OPRD1: variants seen among roughly 807,000 people sequenced by gnomAD.
OPRD1 encodes opioid receptor delta 1, also known as delta-type opioid receptor.
In OPRD1, 19 loss-of-function variants were observed where a neutral mutation model predicts 17.5. That is an observed-to-expected ratio of 1.09 (90% confidence interval 0.76 to 1.60). OPRD1 has a LOEUF of 1.60. OPRD1 is among the 40% of genes most tolerant of loss of function. The probability of loss-of-function intolerance (pLI) is 0.00; values close to 1 mark genes in which losing one functional copy is unlikely to be tolerated. For synonymous variants in OPRD1, 256 were observed against 240.9 expected, an observed-to-expected ratio of 1.06 and a Z score of -0.58; for missense variants, 483 against 547.2, an observed-to-expected ratio of 0.88 and a Z score of 1.17.
chr1:28,830,447 C>T (rs2088800228), intron 1 of OPRD1, among the ~76,000 whole-genome samples: 1 of 152,076 alleles, frequency 6.6e-6, no homozygotes, highest in African/African-American at 2.4e-5. Flanking sequence ...TTGCTTGAGC[C>T]TGGGAGGTCG....
At chr1:28,851,378 C>T (rs148894771) in intron 1 of OPRD1, among the ~76,000 whole-genome samples, 1 of 152,260 alleles carries the variant, frequency 6.6e-6, no homozygotes, top group Non-Finnish European at 1.5e-5. Flanking sequence ...GATAGAATAA[C>T]GACATTTTCA....
Position 28,867,441 on chromosome 1 carries a change from G to A in OPRD1, c.*4158G>A, listed in dbSNP as rs2089184114. 6.6e-6 allele frequency: 1 copy of A among 152,094 alleles called. No homozygotes were observed. Among genetic ancestry groups the A allele is most frequent in the Admixed American group, 6.6e-5 (1 of 15,264 alleles). 9.4% of individuals were successfully genotyped at this position (152,094 alleles called of 1,614,324 possible). A position where few individuals can be genotyped will look rare whatever the true frequency, so the allele number is the denominator to read the frequency against. On this transcript the variant is annotated 3_prime_UTR_variant, in exon 3 of 3. Coordinates refer to ENST00000234961, the MANE Select transcript of OPRD1 (RefSeq NM_000911.4). ...ACTGGTCTCGAACTCCTGACCTCAG[G>A]GGATCTGCCCGCCTCAGCTTCCCAA...
rs902966562 is a variant in OPRD1, at chr1:28,868,103, G to A, written c.*4820G>A. The stretch of plus-strand genomic sequence containing the variant: ...ATGGATAATGTCAAGTGTCATAAGA[G>A]AGGATGCGAGTAGGGAGGGCAGGAG... On this transcript the variant is annotated 3_prime_UTR_variant, in exon 3 of 3. Coordinates refer to ENST00000234961, the MANE Select transcript of OPRD1 (RefSeq NM_000911.4). 2 of 152,396 alleles carry A rather than the reference G, an allele frequency of 1.3e-5. No individual in the cohort carries two copies. The highest frequency in any genetic ancestry group is 2.4e-5 in the African/African-American group (1 of 41,452). The allele number at this position is 152,396 out of a possible 1,614,324, so 9.4% of individuals were successfully genotyped here.
intron 1 of OPRD1, among the ~76,000 whole-genome samples, chr1:28,822,050 C>T (rs528939476): frequency 2.6e-5 from 4 of 151,628 alleles, no homozygotes; most frequent in Non-Finnish European, 5.9e-5. Flanking sequence ...CTCCTGGGTT[C>T]AAGCGATTCT....
chr1:28,847,341 C>A (rs901226885), intron 1 of OPRD1, among the ~76,000 whole-genome samples: 1 of 152,060 alleles, frequency 6.6e-6, no homozygotes, highest in Non-Finnish European at 1.5e-5. Flanking sequence ...CGTGAGCTAC[C>A]GCGCCCAGCC....
chr1:28,814,515 T>G (rs114680820), intron 1 of OPRD1, among the ~76,000 whole-genome samples: 3,309 of 152,310 alleles, frequency 0.022, 117 homozygotes, highest in African/African-American at 0.076. Flanking sequence ...GAGCTCCGGA[T>G]TCCTGGCACC....
At chr1:28,851,815 A>G (rs2089006259) in intron 1 of OPRD1, among the ~76,000 whole-genome samples, 1 of 137,738 alleles carries the variant, frequency 7.3e-6, no homozygotes, top group East Asian at 2.2e-4. Flanking sequence ...AGGTTGCGCC[A>G]TTGCACTCCA....
rs1245623382 is a variant in OPRD1, at chr1:28,812,376, C to T, written c.-8C>T. On this transcript the variant is annotated 5_prime_UTR_variant, in exon 1 of 3. Coordinates refer to ENST00000234961, the MANE Select transcript of OPRD1 (RefSeq NM_000911.4). The stretch of plus-strand genomic sequence containing the variant: ...TGGAGAGGGACGCGGCGGAGCCGGC[C>T]GGCAGCCATGGAACCGGCCCCCTCC... 7 of 1,378,806 alleles carry T rather than the reference C, an allele frequency of 5.1e-6. No individual in the cohort carries two copies. In the African/African-American group the frequency reaches 6.1e-5, roughly 12 times the overall value. The allele number at this position is 1,378,806 out of a possible 1,614,324, so 85.4% of individuals were successfully genotyped here.
At chr1:28,845,146 C>T (rs2088928875) in intron 1 of OPRD1, among the ~76,000 whole-genome samples, 1 of 151,272 alleles carries the variant, frequency 6.6e-6, no homozygotes, top group Admixed American at 6.6e-5. Flanking sequence ...AGTTCGAGAC[C>T]AGCCTTACCA....
At chr1:28,815,187 A>G (rs972799358) in intron 1 of OPRD1, among the ~76,000 whole-genome samples, 8 of 152,096 alleles carry the variant, frequency 5.3e-5, no homozygotes, top group African/African-American at 1.9e-4. Context: ...ATCACAGCTC[A>G]CTGCAACCTC....
In OPRD1 at chr1:28,812,526, T is replaced by C. The variant is rs139841918; in HGVS notation, c.143T>C (p.Leu48Pro). 2 of 1,582,204 alleles carry C rather than the reference T, an allele frequency of 1.3e-6. No individual in the cohort carries two copies. Among genetic ancestry groups the C allele is most frequent in the Non-Finnish European group, 8.5e-7 (1 of 1,171,674 alleles). ...GCGCGGAGCGCCTCGTCCCTCGCCC[T>C]GGCAATCGCCATCACCGCGCTCTAC... ...PGARSASSLA[L>P]AIAITALYSA... The change falls in exon 1 of 3, where the codon CTG (leucine) becomes CCG (proline). Residue 48 changes from leucine to proline, a missense_variant. Physicochemically the swap from Leu to Pro is moderately conservative, Grantham distance 98 (BLOSUM62 -3). Coordinates refer to ENST00000234961, the MANE Select transcript of OPRD1 (RefSeq NM_000911.4).
chr1:28,831,767 G>A (rs1390239298), intron 1 of OPRD1, among the ~76,000 whole-genome samples: 1 of 151,810 alleles, frequency 6.6e-6, no homozygotes, highest in East Asian at 1.9e-4. Context: ...TGAACTCCTG[G>A]GCTCCAGTGA....
At chr1:28,818,435 C>T (rs2088687931) in intron 1 of OPRD1, among the ~76,000 whole-genome samples, 3 of 152,146 alleles carry the variant, frequency 2.0e-5, no homozygotes, top group African/African-American at 7.2e-5. Context: ...CAGGGAGTCT[C>T]CAGACCCAGC....
chr1:28,819,347 CAG>C (rs2088693890), intron 1 of OPRD1, among the ~76,000 whole-genome samples: 2 of 152,178 alleles, frequency 1.3e-5, no homozygotes, highest in African/African-American at 4.8e-5. Context: ...TGAGGCTGAG[CAG>C]AGAGAACAAG....
At chr1:28,831,147 C>G (rs1017688825) in intron 1 of OPRD1, among the ~76,000 whole-genome samples, 2 of 152,230 alleles carry the variant, frequency 1.3e-5, no homozygotes, top group African/African-American at 4.8e-5. Context: ...GCGAATGGAG[C>G]TGTCCTGCTG....
intron 1 of OPRD1, among the ~76,000 whole-genome samples, chr1:28,850,006 A>G (rs977767188): frequency 8.0e-5 from 12 of 150,900 alleles, no homozygotes; most frequent in Non-Finnish European, 1.8e-4. Context: ...CAGCCTCCAG[A>G]GTATCTGGGA....
At chr1:28,819,679 G>T (rs1475634146) in intron 1 of OPRD1, among the ~76,000 whole-genome samples, 9 of 152,330 alleles carry the variant, frequency 5.9e-5, no homozygotes, top group Middle Eastern at 3.4e-3. Context: ...CAAGAGAGGG[G>T]TGGAGTCGAG....
At chr1:28,862,609 A>G in intron 2 of OPRD1, 133 bp from the exon 3 acceptor site, 1 of 779,684 alleles carries the variant, frequency 1.3e-6, no homozygotes, top group Non-Finnish European at 2.0e-6. Flanking sequence ...CAGACAGAAG[A>G]ATCCCCTTGA....
At chr1:28,826,333 G>A (rs2088768205) in intron 1 of OPRD1, among the ~76,000 whole-genome samples, 1 of 152,008 alleles carries the variant, frequency 6.6e-6, no homozygotes, top group African/African-American at 2.4e-5. Context: ...GCCCAGCCTG[G>A]GCAACATGGC....
Sources: allele counts gnomAD v4.1 joint callset (sites outside exome capture counted in the v4.1 genomes callset), GRCh38; gene constraint gnomAD v4.1.1; transcripts MANE v1.5; gene names NCBI Gene and HGNC (gene_info 2026-07-23, HGNC 2026-07-21).